The following GTF2F2 variants were observed in gnomAD, a reference collection of about 807,000 sequenced individuals.
The protein encoded by GTF2F2 is general transcription factor IIF subunit 2.
Under a neutral mutation model 42.2 loss-of-function variants are expected in GTF2F2, and 23 were observed. The ratio of observed to expected loss-of-function variants is 0.55; its 90% CI spans 0.39 to 0.77. The LOEUF (loss-of-function observed/expected upper bound fraction) is 0.77. Among genes scored for constraint, GTF2F2 ranks in the 30% least tolerant of loss-of-function variants. The pLI, the probability that GTF2F2 is intolerant of heterozygous loss-of-function variation, is 0.00. For missense variants in GTF2F2, 261 were observed against 287.2 expected, an observed-to-expected ratio of 0.91 and a Z score of 0.66; for synonymous variants, 105 against 100.8, an observed-to-expected ratio of 1.04 and a Z score of -0.25.
intron 4 of GTF2F2, chr13:45,206,213 T>A (rs1329466677): frequency 1.3e-5 from 2 of 152,222 alleles, no homozygotes; most frequent in Admixed American, 6.5e-5. Flanking sequence ...ATTGATTATA[T>A]ACGGTGTGCT....
intron 2 of GTF2F2, among the ~76,000 whole-genome samples, chr13:45,138,825 T>C (rs1046589072): frequency 6.6e-6 from 1 of 152,212 alleles, no homozygotes. Flanking sequence ...TTTGTATTTT[T>C]AGTAGAGACG....
At chr13:45,277,185 C>T (rs1877072776) in intron 7 of GTF2F2, among the ~76,000 whole-genome samples, 1 of 152,160 alleles carries the variant, frequency 6.6e-6, no homozygotes, top group Admixed American at 6.5e-5. Flanking sequence ...GTTGCATTTT[C>T]TGTATTAGGC....
chr13:45,245,985 A>T (rs1875584636), intron 5 of GTF2F2, among the ~76,000 whole-genome samples: 1 of 140,788 alleles, frequency 7.1e-6, no homozygotes, highest in Non-Finnish European at 1.5e-5. Context: ...ATCCACGCCA[A>T]CATCTATTAT....
intron 4 of GTF2F2, among the ~76,000 whole-genome samples, chr13:45,165,650 C>T (rs1286694233): frequency 6.8e-6 from 1 of 147,924 alleles, no homozygotes; most frequent in African/African-American, 2.6e-5. Flanking sequence ...GTACAGTGAA[C>T]TTCCATATAC....
At chr13:45,246,036 G>GA (rs201693153) in intron 5 of GTF2F2, among the ~76,000 whole-genome samples, 2 of 150,454 alleles carry the variant, frequency 1.3e-5, no homozygotes, top group African/African-American at 4.9e-5. Flanking sequence ...TTGAGACGGA[G>GA]CTCGCTCTGT....
In GTF2F2 at chr13:45,200,678, C is replaced by T. The variant is rs151251477; in HGVS notation, c.305-6746C>T. Among the ~76,000 whole-genome samples the T allele has an allele frequency of 4.2e-3, 641 of 152,252 alleles. 3 individuals carry two copies. The highest frequency in any genetic ancestry group is 0.014 in the African/African-American group (594 of 41,540). ...TAATAATACAGGGATAGAAAGTTTG[C>T]CTAACTGGTTTGTTAAGATGCTAGT... On this transcript the variant is annotated intron_variant, in intron 4 of 7. Coordinates refer to ENST00000340473, the MANE Select transcript of GTF2F2 (RefSeq NM_004128.3).
intron 5 of GTF2F2, among the ~76,000 whole-genome samples, chr13:45,245,706 T>TACATAC (rs1875563758): frequency 1.4e-5 from 1 of 70,808 alleles, no homozygotes; most frequent in Non-Finnish European, 2.7e-5. Context: ...TATATACATA[T>TACATAC]ACATACACAC....
At chr13:45,130,461 T>G (rs191422746) in intron 1 of GTF2F2, among the ~76,000 whole-genome samples, 54 of 152,340 alleles carry the variant, frequency 3.5e-4, no homozygotes, top group Admixed American at 9.8e-4. Context: ...AGATGACCAT[T>G]CTGGCTGCTT....
At chr13:45,220,197 A>G (rs897899679) in intron 5 of GTF2F2, among the ~76,000 whole-genome samples, 5 of 152,196 alleles carry the variant, frequency 3.3e-5, no homozygotes, top group African/African-American at 4.8e-5. Context: ...TTTGATCACA[A>G]TGACTCATTC....
chr13:45,187,808 A>T (rs1872487078), intron 4 of GTF2F2, among the ~76,000 whole-genome samples: 1 of 152,218 alleles, frequency 6.6e-6, no homozygotes, highest in Non-Finnish European at 1.5e-5. Context: ...AGATGCTGTA[A>T]TTTTAACCTT....
chr13:45,186,967 A>T (rs1344419230), intron 4 of GTF2F2, among the ~76,000 whole-genome samples: 1 of 152,242 alleles, frequency 6.6e-6, no homozygotes, highest in African/African-American at 2.4e-5. Flanking sequence ...TTAAAATAAA[A>T]TTACTATTAA....
intron 1 of GTF2F2, among the ~76,000 whole-genome samples, chr13:45,121,222 A>T (rs1868615679): frequency 6.6e-6 from 1 of 152,244 alleles, no homozygotes; most frequent in South Asian, 2.1e-4. Flanking sequence ...CCAAACTCAC[A>T]GAAGGAGAGG....
In GTF2F2 at chr13:45,272,181, A is replaced by G. The variant is rs190740999; in HGVS notation, c.630+4805A>G. Among the ~76,000 whole-genome samples the G allele has an allele frequency of 5.2e-4, 79 of 150,882 alleles. No homozygotes were observed. In the East Asian group the frequency reaches 0.013, roughly 24 times the overall value. On this transcript the variant is annotated intron_variant, in intron 7 of 7. Coordinates refer to ENST00000340473, the MANE Select transcript of GTF2F2 (RefSeq NM_004128.3). Reference sequence around the variant, plus strand: ...CTTTAAGACTTCTCTTTTAAGAAATAATTATTTGCTAACTTATGAAATAGA... The same window carrying G: ...CTTTAAGACTTCTCTTTTAAGAAATGATTATTTGCTAACTTATGAAATAGA...
At chr13:45,238,536 C>T (rs1023304275) in intron 5 of GTF2F2, among the ~76,000 whole-genome samples, 22 of 152,178 alleles carry the variant, frequency 1.4e-4, no homozygotes, top group Non-Finnish European at 3.1e-4. Context: ...TTCCCACTCC[C>T]TTGTTCCTCT....
intron 4 of GTF2F2, among the ~76,000 whole-genome samples, chr13:45,166,830 A>T (rs756677706): frequency 6.6e-6 from 1 of 152,228 alleles, no homozygotes; most frequent in Non-Finnish European, 1.5e-5. Context: ...AATTTAGAGT[A>T]TGAATTTCTT....
At position 45,207,449 on chromosome 13, in the gene GTF2F2, G is replaced by A. The variant is rs1873464815; in HGVS notation, c.330G>A (p.Val110=). 6.2e-7 allele frequency: 1 copy of A among 1,608,890 alleles called. No individual in the cohort carries two copies. Among genetic ancestry groups the A allele is most frequent in the South Asian group, 1.1e-5 (1 of 90,954 alleles). The part of the protein sequence containing the change: ...SSDKLSLEGI[V]VQRAECRPAA... ...ATAAGCTGTCATTGGAAGGAATAGT[G>A]GTACAAAGAGCTGAATGCCGACCAG... Residue 110 remains valine, a synonymous_variant, in exon 5 of 8, where the codon GTG becomes GTA. Transcript: ENST00000340473.
intron 4 of GTF2F2, among the ~76,000 whole-genome samples, chr13:45,178,373 G>A (rs1871984805): frequency 6.8e-6 from 1 of 147,538 alleles, no homozygotes; most frequent in South Asian, 2.1e-4. Context: ...TGTCTTATGT[G>A]GTTCTTTTTT....
intron 2 of GTF2F2, among the ~76,000 whole-genome samples, chr13:45,142,387 T>G (rs1178707620): frequency 6.6e-6 from 1 of 152,090 alleles, no homozygotes; most frequent in African/African-American, 2.4e-5. Flanking sequence ...AGGCTGGTCT[T>G]GAACTCCTGA....
At chr13:45,206,177 A>G (rs536017329) in intron 4 of GTF2F2, among the ~76,000 whole-genome samples, 1 of 152,244 alleles carries the variant, frequency 6.6e-6, no homozygotes, top group East Asian at 1.9e-4. Flanking sequence ...TTTGTTGCAT[A>G]TGTTGCATTA....
Sources: allele counts gnomAD v4.1 joint callset (sites outside exome capture counted in the v4.1 genomes callset), GRCh38; gene constraint gnomAD v4.1.1; transcripts MANE v1.5; gene names NCBI Gene and HGNC (gene_info 2026-07-23, HGNC 2026-07-21).